Variants in RGS7 observed in about 807,000 individuals in gnomAD.
RGS7 encodes the protein regulator of G protein signaling 7.
A neutral mutation model predicts 81.1 loss-of-function variants in RGS7; 27 were observed. The ratio of observed to expected loss-of-function variants is 0.33; its 90% CI spans 0.25 to 0.46. The LOEUF is 0.46. Ranked by LOEUF, RGS7 falls within the 20% of genes least tolerant of loss-of-function variation. The pLI is 1.00. For missense variants in RGS7, 396 were observed against 607.4 expected (o/e 0.65, Z 3.66); for synonymous variants, 208 against 207.7 (o/e 1.00, Z -0.01).
intron 10 of RGS7, among the ~76,000 whole-genome samples, chr1:240,819,008 A>G (rs1231094619): frequency 6.6e-6 from 1 of 152,196 alleles, no homozygotes; most frequent in Non-Finnish European, 1.5e-5. Context: ...ATTCCATGGT[A>G]TATATGTTTA....
At chr1:240,804,569 T>C (rs889982844) in intron 15 of RGS7, among the ~76,000 whole-genome samples, 43 of 152,308 alleles carry the variant, frequency 2.8e-4, no homozygotes, top group African/African-American at 1.0e-3. Flanking sequence ...AGGATCCTCT[T>C]AGGCAAGAAT....
intron 18 of RGS7, among the ~76,000 whole-genome samples, chr1:240,780,439 CAAAA>C (rs34568911): frequency 0.12 from 4,739 of 39,218 alleles, 39 homozygotes; most frequent in Non-Finnish European, 0.19. Context: ...GACTCTGTCT[CAAAA>C]AAAAAAAAAA....
chr1:240,945,303 A>G (rs1678420535), intron 4 of RGS7, among the ~76,000 whole-genome samples: 1 of 152,236 alleles, frequency 6.6e-6, no homozygotes, highest in Non-Finnish European at 1.5e-5. Flanking sequence ...CTCAATCCTG[A>G]TGATTCTCAA....
chr1:240,806,920 T>C (rs1256623151), intron 14 of RGS7, among the ~76,000 whole-genome samples: 1 of 152,220 alleles, frequency 6.6e-6, no homozygotes, highest in Non-Finnish European at 1.5e-5. Context: ...GAAAATGCTC[T>C]GGCTGGAAAA....
rs183266641 is a variant in RGS7 at position 241,316,140 on chromosome 1, C to A, written c.78+39559G>T. Among the ~76,000 whole-genome samples, 877 of 152,278 alleles carry A rather than the reference C, an allele frequency of 5.8e-3. 5 individuals are homozygous for A. Among genetic ancestry groups the A allele is most frequent in the African/African-American group, 0.019 (808 of 41,540 alleles). On this transcript the variant is annotated intron_variant, in intron 2 of 18. Transcript: ENST00000440928. ...CAATCAATTCTTGAGCAGACACTAG[C>A]TGTCCTCCAGTACAGTCCTGCCACT...
At chr1:241,259,667 A>AAAAAAAAAAAATATATATATATATAT in intron 2 of RGS7, among the ~76,000 whole-genome samples, 3 of 49,146 alleles carry the variant, frequency 6.1e-5, no homozygotes, top group African/African-American at 2.4e-4. Context: ...AAAAAAAAAA[A>AAAAAAAAAAAATATATATATATATAT]ATATATATAT....
intron 2 of RGS7, among the ~76,000 whole-genome samples, chr1:241,318,866 G>C (rs374652342): frequency 6.6e-6 from 1 of 152,050 alleles, no homozygotes; most frequent in Non-Finnish European, 1.5e-5. Flanking sequence ...ATACATATTC[G>C]ATTTGCTTCA....
At chr1:240,967,335 G>T (rs914509634) in intron 4 of RGS7, among the ~76,000 whole-genome samples, 1 of 152,174 alleles carries the variant, frequency 6.6e-6, no homozygotes. Context: ...GACATGAGAA[G>T]AGCCTCAGAG....
chr1:241,142,969 T>A (rs957638251), intron 2 of RGS7, among the ~76,000 whole-genome samples: 19 of 152,142 alleles, frequency 1.2e-4, no homozygotes, highest in African/African-American at 4.3e-4. Context: ...CTAAATCATC[T>A]CTCTCAAGTT....
chr1:240,977,847 C>T (rs987737421), intron 4 of RGS7, among the ~76,000 whole-genome samples: 1 of 152,190 alleles, frequency 6.6e-6, no homozygotes, highest in Admixed American at 6.5e-5. Context: ...ATATGGACAG[C>T]TTCTCTCCCC....
intron 18 of RGS7, among the ~76,000 whole-genome samples, chr1:240,793,611 A>ATATATATTTTTTTTTTT: frequency 7.6e-5 from 6 of 78,814 alleles, no homozygotes; most frequent in African/African-American, 5.8e-4. Flanking sequence ...ATATATATAT[A>ATATATATTTTTTTTTTT]TTTTTTTTTT....
chr1:241,091,504 C>T (rs960362219), intron 3 of RGS7, among the ~76,000 whole-genome samples: 32 of 149,746 alleles, frequency 2.1e-4, no homozygotes, highest in African/African-American at 7.4e-4. Context: ...GCTGAGATCA[C>T]GCCACTGCAC....
intron 2 of RGS7, among the ~76,000 whole-genome samples, chr1:241,261,610 C>G (rs1420410619): frequency 1.6e-5 from 2 of 127,728 alleles, no homozygotes; most frequent in African/African-American, 6.0e-5. Flanking sequence ...GCCTGGGCGA[C>G]AGGGTGAGAC....
chr1:240,959,466 A>G (rs2502438), intron 4 of RGS7, among the ~76,000 whole-genome samples: 152,123 of 152,286 alleles, frequency 1, 75,980 homozygotes, highest in Middle Eastern at 1. Context: ...TGGTATTTGC[A>G]TATCTCAACA....
At chr1:240,826,970 A>C (rs183427876) in intron 10 of RGS7, 128 bp downstream of exon 10, 541 of 788,322 alleles carry the variant, frequency 6.9e-4, no homozygotes, top group Admixed American at 1.6e-3. Flanking sequence ...TGAGGAAGGG[A>C]GGGCTGTGGA....
intron 3 of RGS7, among the ~76,000 whole-genome samples, chr1:241,040,460 A>C (rs890993099): frequency 1.3e-5 from 2 of 151,272 alleles, no homozygotes; most frequent in African/African-American, 4.9e-5. Flanking sequence ...ATATATGTAG[A>C]CTCACTTTTT....
At chr1:241,297,741 CT>C (rs2079512357) in intron 2 of RGS7, among the ~76,000 whole-genome samples, 1 of 152,204 alleles carries the variant, frequency 6.6e-6, no homozygotes, top group South Asian at 2.1e-4. Flanking sequence ...TTAATCCAGT[CT>C]TCAATAACTG....
chr1:241,321,009 A>G (rs944346050), intron 2 of RGS7, among the ~76,000 whole-genome samples: 1 of 152,242 alleles, frequency 6.6e-6, no homozygotes, highest in African/African-American at 2.4e-5. Flanking sequence ...GTTATTAACA[A>G]TGATTCCCAC....
rs1425854145 is a variant in RGS7, at chr1:240,816,204, ACAGT to A, written c.783+109_783+112del. 15 of 756,550 alleles carry A rather than the reference ACAGT, an allele frequency of 2.0e-5. No homozygotes were observed. In the Admixed American group the frequency reaches 2.2e-4, roughly 11 times the overall value. 46.9% of individuals were successfully genotyped at this position (756,550 alleles called of 1,614,324 possible). A position where few individuals can be genotyped will look rare whatever the true frequency, so the allele number is the denominator to read the frequency against. On this transcript the variant is annotated intron_variant, in intron 11 of 18. Coordinates refer to ENST00000440928, the MANE Select transcript of RGS7 (RefSeq NM_001364886.1). ...TTTAACTGCAAATCTTCCACATGAAACAGTCAGTCATACAAATAACCTATAAAAA... is the reference window on the plus strand; with the variant it reads ...TTTAACTGCAAATCTTCCACATGAAACAGTCATACAAATAACCTATAAAAA...
Sources: allele counts gnomAD v4.1 joint callset (sites outside exome capture counted in the v4.1 genomes callset), GRCh38; gene constraint gnomAD v4.1.1; transcripts MANE v1.5; gene names NCBI Gene and HGNC (gene_info 2026-07-23, HGNC 2026-07-21).